The following MLLT3 variants were observed in gnomAD, a reference collection of about 807,000 sequenced individuals.
The protein encoded by MLLT3 is protein AF-9.
MLLT3 carries 4 observed loss-of-function variants against 53.2 expected under a neutral mutation model. The observed-to-expected ratio is 0.08, with a 90% CI of 0.04 to 0.17. The LOEUF (loss-of-function observed/expected upper bound fraction) is 0.17. MLLT3 is among the 10% of genes least tolerant of loss of function. The pLI is 1.00. For synonymous variants in MLLT3, 283 were observed against 230.6 expected, an observed-to-expected ratio of 1.23 and a Z score of -2.06; for missense variants, 569 against 684.0, an observed-to-expected ratio of 0.83 and a Z score of 1.87.
At chr9:20,450,219 G>A (rs955682594) in intron 3 of MLLT3, among the ~76,000 whole-genome samples, 5 of 151,878 alleles carry the variant, frequency 3.3e-5, no homozygotes, top group African/African-American at 9.7e-5. Context: ...TTTAGTATTC[G>A]TCCTTATGAA....
intron 4 of MLLT3, among the ~76,000 whole-genome samples, chr9:20,418,163 T>C (rs1822919236): frequency 6.6e-6 from 1 of 152,228 alleles, no homozygotes; most frequent in Non-Finnish European, 1.5e-5. Flanking sequence ...GGACACTTCC[T>C]AAAAATTGTA....
chr9:20,506,892 ATTAATTGAAAATTAAAGTAGTAG>A (rs906123580), intron 2 of MLLT3, among the ~76,000 whole-genome samples: 20 of 152,220 alleles, frequency 1.3e-4, no homozygotes, highest in Non-Finnish European at 2.6e-4. Context: ...ACCTAATTTG[ATTAATTGAAAATTAAAGTAGTAG>A]TTAATCACTT....
intron 5 of MLLT3, among the ~76,000 whole-genome samples, chr9:20,406,579 T>TGCAC: frequency 6.6e-6 from 1 of 152,182 alleles, no homozygotes. Flanking sequence ...ACCAGTACCG[T>TGCAC]GATTCTAAGC....
At chr9:20,515,016 G>A (rs574057792) in intron 2 of MLLT3, among the ~76,000 whole-genome samples, 1 of 145,368 alleles carries the variant, frequency 6.9e-6, no homozygotes, top group Non-Finnish European at 1.5e-5. Context: ...GCGTTATCTC[G>A]GCTCACCGCA....
intron 2 of MLLT3, among the ~76,000 whole-genome samples, chr9:20,523,505 T>G (rs78074454): frequency 0.012 from 1,899 of 152,294 alleles, 45 homozygotes; most frequent in African/African-American, 0.044. Context: ...TAAACTGTGG[T>G]ACCTCCACCA....
chr9:20,610,195 G>A (rs1485852289), intron 2 of MLLT3, among the ~76,000 whole-genome samples: 1 of 152,074 alleles, frequency 6.6e-6, no homozygotes, highest in Non-Finnish European at 1.5e-5. Flanking sequence ...AATTACATTA[G>A]ACTCTTATTT....
At chr9:20,595,869 C>T (rs186664408) in intron 2 of MLLT3, among the ~76,000 whole-genome samples, 178 of 152,300 alleles carry the variant, frequency 1.2e-3, no homozygotes, top group African/African-American at 4.0e-3. Context: ...AAATCTGTTA[C>T]CATTTCTCTA....
chr9:20,570,250 T>C (rs983949236), intron 2 of MLLT3, among the ~76,000 whole-genome samples: 9 of 152,180 alleles, frequency 5.9e-5, no homozygotes, highest in African/African-American at 2.2e-4. Flanking sequence ...ATTGTTTTAT[T>C]TATACAGTGA....
At chr9:20,504,086 AT>A (rs1825321828) in intron 2 of MLLT3, among the ~76,000 whole-genome samples, 1 of 152,292 alleles carries the variant, frequency 6.6e-6, no homozygotes, top group South Asian at 2.1e-4. Flanking sequence ...GAGAAAAAGG[AT>A]CCACTGTATA....
At chr9:20,370,326 C>T (rs959213489) in intron 5 of MLLT3, among the ~76,000 whole-genome samples, 52 of 152,178 alleles carry the variant, frequency 3.4e-4, no homozygotes, top group African/African-American at 1.2e-3. Context: ...CACCACAAAC[C>T]GCACCCATGT....
At chr9:20,401,437 T>C (rs1275378297) in intron 5 of MLLT3, among the ~76,000 whole-genome samples, 18 of 152,144 alleles carry the variant, frequency 1.2e-4, no homozygotes, top group Non-Finnish European at 2.6e-4. Context: ...CATCATGAAC[T>C]AACATTGTTT....
chr9:20,488,476 G>A (rs1039280912), intron 2 of MLLT3, among the ~76,000 whole-genome samples: 1 of 152,114 alleles, frequency 6.6e-6, no homozygotes, highest in African/African-American at 2.4e-5. Flanking sequence ...TTAAAAATTT[G>A]TTAGTAATTA....
In MLLT3 at chr9:20,345,467, T is replaced by TC. The variant is rs1820842214; in HGVS notation, c.*975_*976insG. 4.9e-6 allele frequency: 1 copy of TC among 203,620 alleles called. No individual in the cohort carries two copies. The highest frequency in any genetic ancestry group is 2.3e-5 in the African/African-American group (1 of 43,490). The allele number at this position is 203,620 out of a possible 1,614,324, so 12.6% of individuals were successfully genotyped here. A position where few individuals can be genotyped will look rare whatever the true frequency, so the allele number is the denominator to read the frequency against. The stretch of plus-strand genomic sequence containing the variant: ...CCAAATTAAGAATTTCTACAACAGT[T>TC]TTTTTTTTTAGAAAACAGGACCAGA... On this transcript the variant is annotated 3_prime_UTR_variant, in exon 11 of 11. Coordinates refer to ENST00000380338, the MANE Select transcript of MLLT3 (RefSeq NM_004529.4).
At chr9:20,362,334 G>A (rs1821344817) in intron 7 of MLLT3, among the ~76,000 whole-genome samples, 1 of 152,106 alleles carries the variant, frequency 6.6e-6, no homozygotes, top group Non-Finnish European at 1.5e-5. Flanking sequence ...ATCTAAATAG[G>A]TCATACGTTT....
chr9:20,552,669 C>T (rs916570782), intron 2 of MLLT3, among the ~76,000 whole-genome samples: 1 of 152,128 alleles, frequency 6.6e-6, no homozygotes, highest in Non-Finnish European at 1.5e-5. Flanking sequence ...AAATAATCTA[C>T]CTTGACATTC....
chr9:20,422,838 G>A (rs140177280), intron 4 of MLLT3, among the ~76,000 whole-genome samples: 64 of 152,012 alleles, frequency 4.2e-4, no homozygotes, highest in African/African-American at 1.4e-3. Context: ...GTGGGACAGT[G>A]ATGGTGACAA....
In MLLT3 at chr9:20,342,918, G is replaced by T; in HGVS notation, c.*3525C>A. The T allele has an allele frequency of 5.4e-6, 1 of 186,470 alleles. No individual in the cohort carries two copies. Among genetic ancestry groups the T allele is most frequent in the African/African-American group, 2.4e-5 (1 of 42,230 alleles). 11.6% of individuals were successfully genotyped at this position (186,470 alleles called of 1,614,324 possible). The stretch of plus-strand genomic sequence containing the variant: ...AAACGCTAAAGGTGGAAAGTAATAA[G>T]CATACAGCAAATTACTCCAGAGCAG... On this transcript the variant is annotated 3_prime_UTR_variant, in exon 11 of 11. Transcript: ENST00000380338.
chr9:20,350,633 A>ACC (rs1820999673), intron 10 of MLLT3, among the ~76,000 whole-genome samples: 1 of 152,006 alleles, frequency 6.6e-6, no homozygotes, highest in Admixed American at 6.6e-5. Context: ...CCAGGTACAT[A>ACC]TGGGTAGTGG....
At position 20,343,295 on chromosome 9, in the gene MLLT3, T is replaced by C. The variant is rs1195440221; in HGVS notation, c.*3148A>G. On this transcript the variant is annotated 3_prime_UTR_variant, in exon 11 of 11. Transcript: ENST00000380338. Reference sequence around the variant, plus strand: ...AAGGTGAATATTCAGATTAGAGAGATTTAAATTGCCTAGCAATTTAAAATG... The same window carrying C: ...AAGGTGAATATTCAGATTAGAGAGACTTAAATTGCCTAGCAATTTAAAATG... 5.0e-6 allele frequency: 1 copy of C among 198,494 alleles called. No homozygotes were observed. The highest frequency in any genetic ancestry group is 6.1e-5 in the Admixed American group (1 of 16,266). 12.3% of individuals were successfully genotyped at this position (198,494 alleles called of 1,614,324 possible). A position where few individuals can be genotyped will look rare whatever the true frequency, so the allele number is the denominator to read the frequency against.
Sources: allele counts gnomAD v4.1 joint callset (sites outside exome capture counted in the v4.1 genomes callset), GRCh38; gene constraint gnomAD v4.1.1; transcripts MANE v1.5; gene names NCBI Gene and HGNC (gene_info 2026-07-23, HGNC 2026-07-21).